Variants in VAV1 observed in about 807,000 individuals in gnomAD.
VAV1 encodes vav guanine nucleotide exchange factor 1, also known as proto-oncogene vav.
Under a neutral mutation model 128.1 loss-of-function variants are expected in VAV1, and 33 were observed. The observed-to-expected ratio is 0.26, with a 90% confidence interval of 0.20 to 0.34. The LOEUF (loss-of-function observed/expected upper bound fraction) is 0.34, where lower values mean the gene tolerates loss of function less well. VAV1 is among the 10% of genes least tolerant of loss of function. The pLI, the probability that VAV1 is intolerant of heterozygous loss-of-function variation, is 1.00. For missense variants in VAV1, 715 were observed against 1,093.7 expected, an observed-to-expected ratio of 0.65 and a Z score of 4.88; for synonymous variants, 394 against 409.8, an observed-to-expected ratio of 0.96 and a Z score of 0.47.
chr19:6,801,181 TAGGCATTCCAC>T (rs1259623286), intron 1 of VAV1, among the ~76,000 whole-genome samples: 2 of 152,226 alleles, frequency 1.3e-5, no homozygotes, highest in African/African-American at 4.8e-5. Context: ...TGGCATACAG[TAGGCATTCCAC>T]ACATGCTTGC....
At chr19:6,850,905 A>G (rs1342557010) in intron 24 of VAV1, 148 bp downstream of exon 24, 1 of 636,256 alleles carries the variant, frequency 1.6e-6, no homozygotes, top group East Asian at 2.9e-5. Flanking sequence ...TTATGCTCTT[A>G]ATGATGAACA....
chr19:6,830,963 A>G (rs1176243132), intron 14 of VAV1, among the ~76,000 whole-genome samples: 1 of 152,106 alleles, frequency 6.6e-6, no homozygotes, highest in Non-Finnish European at 1.5e-5. Flanking sequence ...TTGGTGGCAC[A>G]TGCCTGTAGC....
intron 26 of VAV1, among the ~76,000 whole-genome samples, chr19:6,854,733 A>C (rs1972753231): frequency 6.6e-6 from 1 of 152,090 alleles, no homozygotes; most frequent in Admixed American, 6.6e-5. Flanking sequence ...AAAGAATAAA[A>C]GAGATTGTGG....
At chr19:6,805,704 C>T (rs1177200666) in intron 1 of VAV1, among the ~76,000 whole-genome samples, 2 of 151,438 alleles carry the variant, frequency 1.3e-5, no homozygotes, top group African/African-American at 4.9e-5. Context: ...ATTATTATTA[C>T]ATTGTAATAT....
At chr19:6,825,442 C>A in intron 8 of VAV1, 36 bp downstream of exon 8, 1 of 1,572,310 alleles carries the variant, frequency 6.4e-7, no homozygotes, top group South Asian at 1.1e-5. Context: ...GCTCTGGGGT[C>A]ACTCTGTCTT....
At chr19:6,808,898 A>G (rs1392516300) in intron 1 of VAV1, among the ~76,000 whole-genome samples, 1 of 152,118 alleles carries the variant, frequency 6.6e-6, no homozygotes, top group Non-Finnish European at 1.5e-5. Flanking sequence ...GGATACCTTT[A>G]GCTAGGTGCT....
rs540074087 is a variant in VAV1 at position 6,814,671 on chromosome 19, C to CTTTCTTTCTTTCTTTCTTT, written c.205-6031_205-6030insTTTCTTTCTTTCTTTCTTT. 8.8e-3 allele frequency among the ~76,000 whole-genome samples: 227 copies of CTTTCTTTCTTTCTTTCTTT among 25,736 alleles called. 10 individuals are homozygous for CTTTCTTTCTTTCTTTCTTT. The highest frequency in any genetic ancestry group is 0.012 in the Non-Finnish European group (163 of 14,106). 16.9% of individuals were successfully genotyped at this position (25,736 alleles called of 152,430 possible). A position where few individuals can be genotyped will look rare whatever the true frequency, so the allele number is the denominator to read the frequency against. ...TCCTTCCTTCCTTCCTTCCTTCCTT[C>CTTTCTTTCTTTCTTTCTTT]CTTTCTTTCTTTCTTTCTTTCTTTC... On this transcript the variant is annotated intron_variant, in intron 1 of 26. Coordinates refer to ENST00000602142, the MANE Select transcript of VAV1 (RefSeq NM_005428.4).
chr19:6,834,895 G>A (rs572074883), intron 19 of VAV1, among the ~76,000 whole-genome samples: 1 of 151,266 alleles, frequency 6.6e-6, no homozygotes, highest in South Asian at 2.1e-4. Context: ...TTTGAGACAA[G>A]CGTGGGCAAC....
In VAV1 at chr19:6,779,972, G is replaced by A. The variant is rs550786729; in HGVS notation, c.204+6961G>A. Reference sequence around the variant, plus strand: ...TAAAAATACAAAAAATTAGCCGGGCGTGGTTGCGGGCGCCTGTAGTCCCAG... The same window carrying A: ...TAAAAATACAAAAAATTAGCCGGGCATGGTTGCGGGCGCCTGTAGTCCCAG... On this transcript the variant is annotated intron_variant, in intron 1 of 26. Transcript: ENST00000602142. 3.4e-4 allele frequency among the ~76,000 whole-genome samples: 51 copies of A among 149,240 alleles called. 2 individuals carry two copies. Among genetic ancestry groups the A allele is most frequent in the Non-Finnish European group, 5.4e-4 (36 of 66,736 alleles).
chr19:6,843,312 C>A, intron 22 of VAV1, 146 bp downstream of exon 22: 2 of 924,636 alleles, frequency 2.2e-6, no homozygotes, highest in Non-Finnish European at 3.4e-6. Context: ...GGGCTGGGGG[C>A]TGCTGGGGAT....
chr19:6,835,590 A>G (rs1477157021), intron 19 of VAV1, among the ~76,000 whole-genome samples: 1 of 152,132 alleles, frequency 6.6e-6, no homozygotes, highest in Non-Finnish European at 1.5e-5. Context: ...CCATAGATTA[A>G]TTTTGCCTGC....
chr19:6,796,373 T>A (rs1159857247), intron 1 of VAV1, among the ~76,000 whole-genome samples: 1 of 152,132 alleles, frequency 6.6e-6, no homozygotes, highest in Admixed American at 6.5e-5. Flanking sequence ...CTTGCTGCAT[T>A]TTGATTACAT....
At chr19:6,787,577 T>G (rs767927458) in intron 1 of VAV1, among the ~76,000 whole-genome samples, 37 of 85,642 alleles carry the variant, frequency 4.3e-4, no homozygotes, top group Middle Eastern at 5.7e-3. Flanking sequence ...ACTCCAGATT[T>G]ATTTATTTAT....
At chr19:6,836,125 C>T (rs1002526998) in intron 19 of VAV1, 3 of 226,298 alleles carry the variant, frequency 1.3e-5, no homozygotes, top group Non-Finnish European at 2.7e-5. Flanking sequence ...CTTCCTGCCT[C>T]GGCCTCCCAA....
intron 1 of VAV1, among the ~76,000 whole-genome samples, chr19:6,805,692 C>T (rs1446124462): frequency 1.3e-5 from 2 of 151,524 alleles, no homozygotes; most frequent in African/African-American, 2.4e-5. Flanking sequence ...CACTTTATTT[C>T]TATTATTATT....
At chr19:6,796,967 G>T (rs2456795) in intron 1 of VAV1, among the ~76,000 whole-genome samples, 125,548 of 152,076 alleles carry the variant, frequency 0.83, 53,218 homozygotes, top group East Asian at 0.95. Flanking sequence ...GCCAGGCACG[G>T]TGGCTCACAT....
At chr19:6,786,727 G>C (rs987113062) in intron 1 of VAV1, among the ~76,000 whole-genome samples, 1 of 152,096 alleles carries the variant, frequency 6.6e-6, no homozygotes, top group Admixed American at 6.6e-5. Flanking sequence ...AGGTTGCAGT[G>C]AACCACGATT....
rs1319280080 is a variant in VAV1, at chr19:6,825,067, C to T, written c.669C>T (p.Pro223=). ...CTTCCCCGCAGCATTTCTTGAAGCC[C>T]CTGCAACGGTTCCTGAAACCTCAAG... ...LGSIQQHFLK[P]LQRFLKPQDI... is the part of the protein sequence containing the mutation. Residue 223 remains proline (P), a synonymous_variant, in exon 7 of 27, where the codon CCC becomes CCT. Coordinates refer to ENST00000602142, the MANE Select transcript of VAV1 (RefSeq NM_005428.4). 1 of 1,613,704 alleles carries T rather than the reference C, an allele frequency of 6.2e-7. No homozygotes were observed.
At chr19:6,844,728 C>G (rs961690074) in intron 22 of VAV1, among the ~76,000 whole-genome samples, 2 of 152,032 alleles carry the variant, frequency 1.3e-5, no homozygotes, top group East Asian at 1.9e-4. Context: ...CGCCCTTCTG[C>G]GCCGAGATGT....
Sources: allele counts gnomAD v4.1 joint callset (sites outside exome capture counted in the v4.1 genomes callset), GRCh38; gene constraint gnomAD v4.1.1; transcripts MANE v1.5; gene names NCBI Gene and HGNC (gene_info 2026-07-23, HGNC 2026-07-21).